ACTR10: variants seen among roughly 807,000 people sequenced by gnomAD.
ACTR10 encodes actin-related protein 10.
In ACTR10, 43 loss-of-function variants were observed where a neutral mutation model predicts 56.2. That is an observed-to-expected ratio of 0.77 (90% CI 0.60 to 0.99). The LOEUF (loss-of-function observed/expected upper bound fraction) is 0.99, where lower values mean the gene tolerates loss of function less well. Among genes scored for constraint, ACTR10 ranks in the 50% least tolerant of loss-of-function variants. The pLI, the probability that ACTR10 is intolerant of heterozygous loss-of-function variation, is 0.00. For missense variants in ACTR10, 466 were observed against 507.8 expected (o/e 0.92, Z 0.79); for synonymous variants, 170 against 176.3 (o/e 0.96, Z 0.28).
chr14:58,223,578 T>G (rs1312702177), intron 8 of ACTR10, 44 bp from the exon 9 acceptor site: 1 of 1,496,016 alleles, frequency 6.7e-7, no homozygotes, highest in African/African-American at 1.4e-5. Flanking sequence ...CTCTGTTCAA[T>G]TATAATAACT....
At chr14:58,203,302 CAAAAAAAA>C (rs11384472) in intron 2 of ACTR10, among the ~76,000 whole-genome samples, 3 of 105,468 alleles carry the variant, frequency 2.8e-5, no homozygotes, top group Non-Finnish European at 5.4e-5. Context: ...GACTTCGTCT[CAAAAAAAA>C]AAAAAAAAAA....
At chr14:58,202,583 CA>C (rs1390925699) in intron 1 of ACTR10, among the ~76,000 whole-genome samples, 1,476 of 138,306 alleles carry the variant, frequency 0.011, 29 homozygotes, top group African/African-American at 0.034. Context: ...GACTCCATCT[CA>C]AAAAAAAAAA....
chr14:58,218,005 T>G (rs188337707), intron 7 of ACTR10, among the ~76,000 whole-genome samples: 1 of 152,348 alleles, frequency 6.6e-6, no homozygotes, highest in Admixed American at 6.5e-5. Flanking sequence ...TTGCAAAATT[T>G]AAATAGTTAT....
At chr14:58,216,015 G>A (rs1158509308) in intron 7 of ACTR10, among the ~76,000 whole-genome samples, 6 of 144,800 alleles carry the variant, frequency 4.1e-5, no homozygotes, top group East Asian at 2.0e-4. Context: ...TTGAACACCC[G>A]AGAGCAAAGA....
chr14:58,229,538 C>T (rs759909693), intron 10 of ACTR10, among the ~76,000 whole-genome samples: 59 of 151,882 alleles, frequency 3.9e-4, no homozygotes, highest in Non-Finnish European at 7.6e-4. Context: ...ATTAGCCGGG[C>T]GCGGTGGCGG....
intron 7 of ACTR10, among the ~76,000 whole-genome samples, chr14:58,217,289 G>A (rs1419500276): frequency 6.6e-6 from 1 of 152,080 alleles, no homozygotes; most frequent in Non-Finnish European, 1.5e-5. Flanking sequence ...CTCACAATCT[G>A]AGTCTGTGAT....
At chr14:58,217,543 G>A (rs1047653453) in intron 7 of ACTR10, among the ~76,000 whole-genome samples, 1 of 151,810 alleles carries the variant, frequency 6.6e-6, no homozygotes, top group Non-Finnish European at 1.5e-5. Flanking sequence ...GGCTAATCCT[G>A]TAATCCCAGC....
At chr14:58,208,291 TAA>T (rs1345960192) in intron 3 of ACTR10, among the ~76,000 whole-genome samples, 1 of 152,296 alleles carries the variant, frequency 6.6e-6, no homozygotes, top group East Asian at 1.9e-4. Context: ...TGCAGCTCTT[TAA>T]AAAGAGTTCT....
At chr14:58,228,781 C>A (rs542523302) in intron 10 of ACTR10, among the ~76,000 whole-genome samples, 1 of 144,414 alleles carries the variant, frequency 6.9e-6, no homozygotes, top group East Asian at 2.1e-4. Context: ...TCAAGCCATT[C>A]CCCTGCTCTG....
At chr14:58,227,159 T>G (rs2140061391) in intron 10 of ACTR10, among the ~76,000 whole-genome samples, 1 of 119,786 alleles carries the variant, frequency 8.3e-6, no homozygotes, top group South Asian at 2.8e-4. Flanking sequence ...TAATTTATGA[T>G]TTCCAGCTTT....
intron 2 of ACTR10, among the ~76,000 whole-genome samples, chr14:58,207,545 G>A (rs977638285): frequency 1.1e-4 from 17 of 151,900 alleles, no homozygotes; most frequent in Non-Finnish European, 2.2e-4. Context: ...GCCTGGTCTC[G>A]AACTCCTGAC....
chr14:58,224,599 T>C (rs1933014406), intron 10 of ACTR10, among the ~76,000 whole-genome samples: 1 of 152,078 alleles, frequency 6.6e-6, no homozygotes, highest in Admixed American at 6.5e-5. Context: ...TTGGAGGATA[T>C]CTTGAGCCCA....
rs1172335435 is a variant in ACTR10, at chr14:58,232,224, T to A, written c.1029T>A (p.Ile343=). The change falls in exon 12 of 13, where the codon ATT becomes ATA. Residue 343 remains isoleucine, a synonymous_variant. Coordinates refer to ENST00000254286, the MANE Select transcript of ACTR10 (RefSeq NM_018477.3). ...CACTTGGCACTAAGACATTTCGAAT[T>A]CATACTCCACCTGCAAAAGCTAATT... ...KKALGTKTFR[I]HTPPAKANCV... The A allele has an allele frequency of 1.9e-6, 3 of 1,613,562 alleles. No individual in the cohort carries two copies. Among genetic ancestry groups the A allele is most frequent in the Non-Finnish European group, 1.7e-6 (2 of 1,179,854 alleles).
chr14:58,228,621 A>C (rs547607028), intron 10 of ACTR10, among the ~76,000 whole-genome samples: 3 of 145,816 alleles, frequency 2.1e-5, no homozygotes, highest in Non-Finnish European at 4.5e-5. Flanking sequence ...AAAGTCCGAC[A>C]TATTACTTTT....
intron 10 of ACTR10, among the ~76,000 whole-genome samples, chr14:58,225,083 A>G (rs1195643025): frequency 6.6e-6 from 1 of 152,178 alleles, no homozygotes; most frequent in Admixed American, 6.5e-5. Context: ...TTAGCCATAG[A>G]TAATATTTAA....
chr14:58,231,932 C>T (rs965737083), intron 11 of ACTR10, 134 bp from the exon 12 acceptor site: 6 of 448,044 alleles, frequency 1.3e-5, no homozygotes, highest in African/African-American at 8.2e-5. Context: ...GCGATACAAA[C>T]GATCACCTGT....
chr14:58,200,189 AC>A lies in ACTR10; in HGVS notation c.-26del, dbSNP rs1888669637. 1 of 1,495,238 alleles carries A rather than the reference AC, an allele frequency of 6.7e-7. No homozygotes were observed. The highest frequency in any genetic ancestry group is 8.9e-7 in the Non-Finnish European group (1 of 1,117,630). 92.6% of individuals were successfully genotyped at this position (1,495,238 alleles called of 1,614,324 possible). A position where few individuals can be genotyped will look rare whatever the true frequency, so the allele number is the denominator to read the frequency against. Reference sequence around the variant, plus strand: ...AGACTTGTTGGCCGCGGAGACTGCGACCCTCTTCTCTCAGTCTGCCTTACTA... The same window carrying A: ...AGACTTGTTGGCCGCGGAGACTGCGACCTCTTCTCTCAGTCTGCCTTACTA... On this transcript the variant is annotated 5_prime_UTR_variant, in exon 1 of 13. Transcript: ENST00000254286.
At chr14:58,230,926 A>G (rs1362330827) in intron 11 of ACTR10, among the ~76,000 whole-genome samples, 2 of 151,844 alleles carry the variant, frequency 1.3e-5, no homozygotes, top group African/African-American at 4.8e-5. Flanking sequence ...TTGCCCAGCT[A>G]ATTTTTGTAT....
At chr14:58,218,566 TTAAA>T (rs1889190495) in intron 7 of ACTR10, among the ~76,000 whole-genome samples, 5 of 152,176 alleles carry the variant, frequency 3.3e-5, no homozygotes, top group Admixed American at 3.3e-4. Flanking sequence ...TAATTAAATA[TTAAA>T]TATGCTTTTT....
Sources: gnomAD v4.1 joint callset for allele counts (sites outside exome capture counted in the v4.1 genomes callset) on GRCh38, gnomAD v4.1.1 for gene constraint, MANE v1.5 for transcripts, NCBI Gene and HGNC (gene_info 2026-07-23, HGNC 2026-07-21) for gene names.